Variants in PAXBP1 observed in about 807,000 individuals in gnomAD.
PAXBP1 encodes the protein PAX3 and PAX7 binding protein 1.
PAXBP1 carries 44 observed loss-of-function variants against 119.9 expected under a neutral mutation model. The observed-to-expected ratio is 0.37, with a 90% CI of 0.29 to 0.47. The LOEUF (loss-of-function observed/expected upper bound fraction) is 0.47, where lower values mean the gene tolerates loss of function less well. PAXBP1 is among the 20% of genes least tolerant of loss of function. PAXBP1 has a pLI of 0.99. For synonymous variants in PAXBP1, 393 were observed against 406.6 expected (o/e 0.97, Z 0.40); for missense variants, 898 against 1,134.1 (o/e 0.79, Z 2.99).
chr21:32,760,935 C>G (rs1423616502), intron 5 of PAXBP1, 124 bp downstream of exon 5: 8 of 624,438 alleles, frequency 1.3e-5, no homozygotes, highest in Non-Finnish European at 2.2e-5. Flanking sequence ...GTGTGTGTGT[C>G]TCCTCATGGG....
At chr21:32,759,007 T>C (rs1451522444) in intron 7 of PAXBP1, 73 bp downstream of exon 7, 2 of 1,388,616 alleles carry the variant, frequency 1.4e-6, no homozygotes, top group African/African-American at 2.9e-5. Flanking sequence ...AATTATAGAA[T>C]GTTCTACACA....
chr21:32,745,707 A>C lies in PAXBP1; in HGVS notation c.1935T>G (p.Arg645=). The C allele has an allele frequency of 6.2e-7, 1 of 1,613,944 alleles. No homozygotes were observed. The highest frequency in any genetic ancestry group is 8.5e-7 in the Non-Finnish European group (1 of 1,179,896). ...LTWTPLEAKC[R]DFENMLWFES... is the part of the protein sequence containing the mutation. Reference sequence around the variant, plus strand: ...CAAACCACAGCATATTCTCAAAGTCACGACATTTTGCCTAAAAGACATTTA... The same window carrying C: ...CAAACCACAGCATATTCTCAAAGTCCCGACATTTTGCCTAAAAGACATTTA... Residue 645 remains arginine (R), a synonymous_variant, in exon 12 of 18, where the codon CGT becomes CGG. Coordinates refer to ENST00000331923, the MANE Select transcript of PAXBP1 (RefSeq NM_016631.4).
chr21:32,742,765 A>G (rs1300033703), intron 15 of PAXBP1: 1 of 275,202 alleles, frequency 3.6e-6, no homozygotes, highest in African/African-American at 2.2e-5. Flanking sequence ...AACTACATTC[A>G]TATAACCTTT....
In PAXBP1 at chr21:32,759,187, C is replaced by A. The variant is rs564636681; in HGVS notation, c.1276G>T (p.Ala426Ser). Residue 426 changes from alanine to serine, a missense_variant, in exon 7 of 18, where the codon GCT (alanine) becomes TCT (serine). Ala to Ser is a moderately conservative substitution (Grantham distance 99). This residue lies in a region of PAXBP1 where 599 missense variants were observed against 852.7 expected (regional missense o/e 0.70). Transcript: ENST00000331923. ...HLQSRVDSTR[A>S]IERLEGSSGG... is the part of the protein sequence containing the mutation. ...GAAGACCCTTCTAATCTTTCAATAG[C>A]CCTGGTAGAGTCCACTCGGCTTTGC... 6.2e-7 allele frequency: 1 copy of A among 1,614,056 alleles called. No individual in the cohort carries two copies. Among genetic ancestry groups the A allele is most frequent in the South Asian group, 1.1e-5 (1 of 91,078 alleles).
At chr21:32,763,788 C>T (rs1218814365) in intron 3 of PAXBP1, among the ~76,000 whole-genome samples, 1 of 152,016 alleles carries the variant, frequency 6.6e-6, no homozygotes, top group African/African-American at 2.4e-5. Context: ...GAGTTCAAGA[C>T]GAGCCTGGCC....
At chr21:32,747,012 G>A (rs765071039) in intron 11 of PAXBP1, among the ~76,000 whole-genome samples, 7 of 147,080 alleles carry the variant, frequency 4.8e-5, no homozygotes, top group East Asian at 2.1e-4. Context: ...ACATGTTCTC[G>A]CAAGTGGGAG....
intron 15 of PAXBP1, among the ~76,000 whole-genome samples, chr21:32,741,053 T>G (rs913951124): frequency 6.6e-6 from 1 of 152,132 alleles, no homozygotes; most frequent in Non-Finnish European, 1.5e-5. Context: ...TAGAATGACT[T>G]AAAAAGCAAA....
intron 6 of PAXBP1, 21 bp downstream of exon 6, chr21:32,759,756 T>C (rs755078344): frequency 6.3e-7 from 1 of 1,590,012 alleles, no homozygotes; most frequent in South Asian, 1.1e-5. Context: ...GACAGGTCTT[T>C]AAGAAGTTGA....
At position 32,743,039 on chromosome 21, in the gene PAXBP1, T is replaced by C. The variant is rs551005149; in HGVS notation, c.2334+209A>G. 6.1e-6 allele frequency: 4 copies of C among 659,392 alleles called. No individual in the cohort carries two copies. The East Asian group carries it at 1.2e-4, about 20-fold the overall frequency. 40.8% of individuals were successfully genotyped at this position (659,392 alleles called of 1,614,324 possible). The stretch of plus-strand genomic sequence containing the variant: ...GCATTTCGTTGAGTACGATGGACCT[T>C]ACTTTGGAACTCAGAAATCACTTTC... On this transcript the variant is annotated intron_variant, in intron 15 of 17. Transcript: ENST00000331923.
chr21:32,733,983 T>C lies in PAXBP1; in HGVS notation c.*967A>G, dbSNP rs1014416926. On this transcript the variant is annotated 3_prime_UTR_variant, in exon 18 of 18. Coordinates refer to ENST00000331923, the MANE Select transcript of PAXBP1 (RefSeq NM_016631.4). Reference sequence around the variant, plus strand: ...CGATAGTCCTTAATTTCCAAAAAAATTCCTCTTTTGAAAATCACAGAATCA... The same window carrying C: ...CGATAGTCCTTAATTTCCAAAAAAACTCCTCTTTTGAAAATCACAGAATCA... The C allele has an allele frequency of 6.6e-6, 1 of 152,626 alleles. No homozygotes were observed. Among genetic ancestry groups the C allele is most frequent in the Admixed American group, 6.5e-5 (1 of 15,278 alleles). The allele number at this position is 152,626 out of a possible 1,614,324, so 9.5% of individuals were successfully genotyped here.
intron 7 of PAXBP1, among the ~76,000 whole-genome samples, chr21:32,757,187 A>T (rs2044057114): frequency 6.6e-6 from 1 of 152,302 alleles, no homozygotes; most frequent in Non-Finnish European, 1.5e-5. Flanking sequence ...TTTTACGGTT[A>T]ACTCTGAAAT....
chr21:32,735,809 C>T (rs957495543), intron 17 of PAXBP1, among the ~76,000 whole-genome samples: 5 of 152,174 alleles, frequency 3.3e-5, no homozygotes, highest in Admixed American at 6.5e-5. Context: ...AAACCACTCA[C>T]GAGAAACAAG....
chr21:32,741,373 C>G, intron 15 of PAXBP1: 1 of 499,112 alleles, frequency 2.0e-6, no homozygotes, highest in South Asian at 3.4e-5. Context: ...TTTATTTGAT[C>G]ACAGTTTTAT....
Position 32,771,745 on chromosome 21 carries a change from G to T in PAXBP1, c.-77C>A, listed in dbSNP as rs981033194. ...CAGCGCCGAGCTCGTGACGGCGCACGCGCGCTCTCCGGAGCTCCAGCCGGG... is the reference window on the plus strand; with the variant it reads ...CAGCGCCGAGCTCGTGACGGCGCACTCGCGCTCTCCGGAGCTCCAGCCGGG... On this transcript the variant is annotated 5_prime_UTR_variant, in exon 1 of 18. Coordinates refer to ENST00000331923, the MANE Select transcript of PAXBP1 (RefSeq NM_016631.4). 4 of 1,236,738 alleles carry T rather than the reference G, an allele frequency of 3.2e-6. No individual in the cohort carries two copies. Among genetic ancestry groups the T allele is most frequent in the Admixed American group, 4.1e-5 (1 of 24,112 alleles). 76.6% of individuals were successfully genotyped at this position (1,236,738 alleles called of 1,614,324 possible).
At chr21:32,760,279 T>A (rs1257210243) in intron 5 of PAXBP1, among the ~76,000 whole-genome samples, 1 of 152,176 alleles carries the variant, frequency 6.6e-6, no homozygotes, top group African/African-American at 2.4e-5. Flanking sequence ...TGAAAGAGGA[T>A]AAATGCCTTG....
At chr21:32,750,823 G>C (rs906848568) in intron 10 of PAXBP1, 94 bp downstream of exon 10, 2 of 899,606 alleles carry the variant, frequency 2.2e-6, no homozygotes, top group African/African-American at 3.3e-5. Context: ...TTCTAATGCA[G>C]AGACCATGAA....
At position 32,759,408 on chromosome 21, in the gene PAXBP1, C is replaced by G. The variant is rs529331198; in HGVS notation, c.1194-139G>C. The stretch of plus-strand genomic sequence containing the variant: ...TTGGAATGGCATCTTTTCCTCTGTA[C>G]TGCTTTTTTTCTCAAAAAACAAAAA... On this transcript the variant is annotated intron_variant, in intron 6 of 17. Coordinates refer to ENST00000331923, the MANE Select transcript of PAXBP1 (RefSeq NM_016631.4). The G allele has an allele frequency of 6.5e-6, 6 of 928,056 alleles. No homozygotes were observed. In the African/African-American group the frequency reaches 1.0e-4, roughly 16 times the overall value. The allele number at this position is 928,056 out of a possible 1,614,324, so 57.5% of individuals were successfully genotyped here.
At position 32,734,627 on chromosome 21, in the gene PAXBP1, A is replaced by AT. The variant is rs1412908518; in HGVS notation, c.*322dup. The AT allele has an allele frequency of 1.1e-5, 3 of 263,138 alleles. No homozygotes were observed. The highest frequency in any genetic ancestry group is 1.5e-5 in the Non-Finnish European group (2 of 137,696). 16.3% of individuals were successfully genotyped at this position (263,138 alleles called of 1,614,324 possible). On this transcript the variant is annotated 3_prime_UTR_variant, in exon 18 of 18. Coordinates refer to ENST00000331923, the MANE Select transcript of PAXBP1 (RefSeq NM_016631.4). ...AAAGTAAGTCCATGGTGGTATAAAT[A>AT]TATATATGCATAATTACACAATTTA...
intron 4 of PAXBP1, among the ~76,000 whole-genome samples, chr21:32,761,388 G>A (rs2044143266): frequency 1.3e-5 from 2 of 152,222 alleles, no homozygotes; most frequent in East Asian, 3.8e-4. Context: ...AATCTTGGAT[G>A]TGTTTCTTAA....
Sources: allele counts gnomAD v4.1 joint callset (sites outside exome capture counted in the v4.1 genomes callset), GRCh38; gene constraint gnomAD v4.1.1; regional missense constraint gnomAD v4.1.1; transcripts MANE v1.5; gene names NCBI Gene and HGNC (gene_info 2026-07-23, HGNC 2026-07-21).